PCDH7: variants seen among roughly 807,000 people sequenced by gnomAD.
The protein encoded by PCDH7 is protocadherin 7, also known as protocadherin-7.
Under a neutral mutation model 58.9 loss-of-function variants are expected in PCDH7, and 17 were observed. That is an observed-to-expected ratio of 0.29 (90% CI 0.20 to 0.43). PCDH7 has a LOEUF of 0.43. Ranked by LOEUF, PCDH7 falls within the 20% of genes least tolerant of loss-of-function variation. PCDH7 has a pLI of 1.00. For missense variants in PCDH7, 1,274 were observed against 1,441.0 expected, an observed-to-expected ratio of 0.88 and a Z score of 1.88; for synonymous variants, 664 against 616.4, an observed-to-expected ratio of 1.08 and a Z score of -1.14.
intron 3 of PCDH7, among the ~76,000 whole-genome samples, chr4:30,965,679 T>G (rs1748931688): frequency 6.6e-6 from 1 of 152,074 alleles, no homozygotes; most frequent in African/African-American, 2.4e-5. Context: ...TGCCATCATT[T>G]AAAGAAATAA....
chr4:30,894,516 T>TATATAC (rs1400204196), intron 1 of PCDH7, among the ~76,000 whole-genome samples: 551 of 32,022 alleles, frequency 0.017, 4 homozygotes, highest in Non-Finnish European at 0.022. Flanking sequence ...TATATATATA[T>TATATAC]ACACACACAC....
At chr4:30,929,432 T>G (rs1302331986) in intron 2 of PCDH7, among the ~76,000 whole-genome samples, 1 of 152,220 alleles carries the variant, frequency 6.6e-6, no homozygotes, top group Non-Finnish European at 1.5e-5. Context: ...CTCATTATCA[T>G]GTATGTCTTC....
intron 1 of PCDH7, among the ~76,000 whole-genome samples, chr4:30,796,688 T>A (rs903110336): frequency 5.3e-5 from 8 of 152,210 alleles, no homozygotes; most frequent in African/African-American, 1.9e-4. Context: ...TTGCTTTTAA[T>A]ACGTAAATTT....
chr4:30,912,955 G>A (rs1457076376), intron 1 of PCDH7, among the ~76,000 whole-genome samples: 1 of 151,818 alleles, frequency 6.6e-6, no homozygotes, highest in Non-Finnish European at 1.5e-5. Flanking sequence ...CTTTTATGAT[G>A]TGATGGTTAC....
intron 3 of PCDH7, among the ~76,000 whole-genome samples, chr4:30,986,956 GAC>G (rs1751025991): frequency 8.6e-5 from 13 of 151,594 alleles, no homozygotes; most frequent in Non-Finnish European, 1.5e-4. Flanking sequence ...ACTCCAGCCT[GAC>G]GACAGAGCGA....
At chr4:31,018,296 G>A (rs559967994) in intron 3 of PCDH7, among the ~76,000 whole-genome samples, 1 of 152,230 alleles carries the variant, frequency 6.6e-6, no homozygotes, top group Admixed American at 6.5e-5. Context: ...GTAACTTGGG[G>A]AGAAAGATTC....
At chr4:31,137,751 G>A (rs1004171128) in intron 3 of PCDH7, among the ~76,000 whole-genome samples, 4 of 152,078 alleles carry the variant, frequency 2.6e-5, no homozygotes, top group Non-Finnish European at 4.4e-5. Context: ...TTAACAATCC[G>A]TTTATCTCAC....
At chr4:30,892,886 A>G (rs1738807200) in intron 1 of PCDH7, among the ~76,000 whole-genome samples, 1 of 152,072 alleles carries the variant, frequency 6.6e-6, no homozygotes, top group Non-Finnish European at 1.5e-5. Context: ...GTTAAATAGT[A>G]TGTACTGGCC....
chr4:30,885,141 T>C (rs1737534308), intron 1 of PCDH7: 1 of 152,148 alleles, frequency 6.6e-6, no homozygotes, highest in Non-Finnish European at 1.5e-5. Context: ...GATTTTTAAT[T>C]ACTCTAGTGC....
At chr4:30,873,102 T>C (rs1735830830) in intron 1 of PCDH7, among the ~76,000 whole-genome samples, 1 of 152,110 alleles carries the variant, frequency 6.6e-6, no homozygotes, top group Admixed American at 6.6e-5. Flanking sequence ...TTTTTGTGAT[T>C]TATCAGTTTG....
At chr4:30,785,268 C>T (rs865956426) in intron 1 of PCDH7, among the ~76,000 whole-genome samples, 5 of 151,908 alleles carry the variant, frequency 3.3e-5, no homozygotes, top group African/African-American at 1.2e-4. Context: ...CGCACGATAT[C>T]AGAAACTTTG....
chr4:30,889,188 A>T (rs898365108), intron 1 of PCDH7, among the ~76,000 whole-genome samples: 5 of 151,050 alleles, frequency 3.3e-5, no homozygotes, highest in Non-Finnish European at 7.4e-5. Flanking sequence ...TTACTTTAGA[A>T]CTCTTCTTTA....
intron 1 of PCDH7, among the ~76,000 whole-genome samples, chr4:30,839,659 G>C (rs1730961923): frequency 6.6e-6 from 1 of 151,924 alleles, no homozygotes; most frequent in Admixed American, 6.6e-5. Flanking sequence ...AGTCCATTAG[G>C]CCACAAAGTC....
At chr4:30,994,104 G>T (rs1236061800) in intron 3 of PCDH7, among the ~76,000 whole-genome samples, 1 of 152,064 alleles carries the variant, frequency 6.6e-6, no homozygotes, top group African/African-American at 2.4e-5. Context: ...AACTGCTTAG[G>T]TTGGAATAAA....
chr4:30,923,458 A>G (rs1263809735), intron 2 of PCDH7, among the ~76,000 whole-genome samples: 1 of 152,198 alleles, frequency 6.6e-6, no homozygotes, highest in African/African-American at 2.4e-5. Context: ...GGGCCTGTGT[A>G]TTAATTCCCT....
chr4:31,005,643 G>A (rs1326076315), intron 3 of PCDH7, among the ~76,000 whole-genome samples: 4 of 152,034 alleles, frequency 2.6e-5, no homozygotes, highest in African/African-American at 4.8e-5. Context: ...GTTGAGAATC[G>A]GATGAAAGAT....
chr4:31,129,931 A>ATT lies in PCDH7; in HGVS notation c.*8-12533_*8-12532dup, dbSNP rs10707722. ...TCACGAGCCACCATAACAGGCCACA[A>ATT]TTTTTTTTTTATTAGGTACAGTTTT... On this transcript the variant is annotated intron_variant, in intron 3 of 3. Coordinates refer to the PCDH7 transcript ENST00000509759. Among the ~76,000 whole-genome samples, 20 of 150,858 alleles carry ATT rather than the reference A, an allele frequency of 1.3e-4. No individual in the cohort carries two copies. In the East Asian group the frequency reaches 1.4e-3, roughly 10 times the overall value.
intron 1 of PCDH7, among the ~76,000 whole-genome samples, chr4:30,896,055 G>A (rs1560478503): frequency 6.6e-6 from 1 of 152,124 alleles, no homozygotes; most frequent in Non-Finnish European, 1.5e-5. Flanking sequence ...AAACCCTGAG[G>A]AGGTGGAGGG....
chr4:30,871,994 G>T (rs948848384), intron 1 of PCDH7, among the ~76,000 whole-genome samples: 6 of 152,042 alleles, frequency 3.9e-5, no homozygotes, highest in Non-Finnish European at 8.8e-5. Context: ...TATTGGATTA[G>T]GGTCTACATC....
Sources: allele counts gnomAD v4.1 joint callset (sites outside exome capture counted in the v4.1 genomes callset), GRCh38; gene constraint gnomAD v4.1.1; transcripts MANE v1.5; gene names NCBI Gene and HGNC (gene_info 2026-07-23, HGNC 2026-07-21).